TMEM132C: variants seen among roughly 807,000 people sequenced by gnomAD.
The protein encoded by TMEM132C is protein phosphatase 1, regulatory subunit 152.
In TMEM132C, 29 loss-of-function variants were observed where a neutral mutation model predicts 61.4. That is an observed-to-expected ratio of 0.47 (90% CI 0.35 to 0.64). The LOEUF (loss-of-function observed/expected upper bound fraction) is 0.64. Among genes scored for constraint, TMEM132C ranks in the 30% least tolerant of loss-of-function variants. The probability of loss-of-function intolerance (pLI) is 0.00; values close to 1 mark genes in which losing one functional copy is unlikely to be tolerated. For synonymous variants in TMEM132C, 656 were observed against 633.1 expected, an observed-to-expected ratio of 1.04 and a Z score of -0.54; for missense variants, 1,408 against 1,476.9, an observed-to-expected ratio of 0.95 and a Z score of 0.76.
At chr12:128,493,863 C>T (rs1325394419) in intron 2 of TMEM132C, among the ~76,000 whole-genome samples, 1 of 152,112 alleles carries the variant, frequency 6.6e-6, no homozygotes, top group Non-Finnish European at 1.5e-5. Flanking sequence ...CCTGATTGCC[C>T]TGGCCAGAAC....
chr12:128,491,941 G>C (rs2136101184), intron 2 of TMEM132C, among the ~76,000 whole-genome samples: 1 of 151,546 alleles, frequency 6.6e-6, no homozygotes, highest in Non-Finnish European at 1.5e-5. Context: ...ATGTTGGTAT[G>C]CTGCACCCAT....
At chr12:128,344,027 AT>A (rs1201921462) in intron 1 of TMEM132C, among the ~76,000 whole-genome samples, 8 of 152,172 alleles carry the variant, frequency 5.3e-5, no homozygotes, top group African/African-American at 1.9e-4. Flanking sequence ...GATATTCCAC[AT>A]TTAGTTTATC....
intron 1 of TMEM132C, among the ~76,000 whole-genome samples, chr12:128,314,941 C>T (rs1872100647): frequency 6.6e-6 from 1 of 152,164 alleles, no homozygotes; most frequent in African/African-American, 2.4e-5. Flanking sequence ...TCCAGCTGTC[C>T]AGCCTGTAAA....
At chr12:128,527,703 A>ATGTG (rs1186342541) in intron 2 of TMEM132C, among the ~76,000 whole-genome samples, 1 of 64,184 alleles carries the variant, frequency 1.6e-5, no homozygotes, top group Non-Finnish European at 3.0e-5. Flanking sequence ...GTGAATGTGC[A>ATGTG]TGTATGTGTG....
intron 3 of TMEM132C, among the ~76,000 whole-genome samples, chr12:128,604,703 G>A (rs867342819): frequency 6.6e-6 from 1 of 151,668 alleles, no homozygotes; most frequent in African/African-American, 2.4e-5. Flanking sequence ...GATAATAGAT[G>A]GCTAGATAGA....
chr12:128,542,909 C>T (rs1873811969), intron 2 of TMEM132C, among the ~76,000 whole-genome samples: 1 of 150,688 alleles, frequency 6.6e-6, no homozygotes, highest in African/African-American at 2.4e-5. Flanking sequence ...GCGTGAGCCA[C>T]TGTGCCATGA....
At chr12:128,311,628 T>C (rs1329177213) in intron 1 of TMEM132C, among the ~76,000 whole-genome samples, 4 of 152,208 alleles carry the variant, frequency 2.6e-5, no homozygotes, top group Non-Finnish European at 5.9e-5. Context: ...GAACAGTTCT[T>C]TGTTCCCTCT....
rs1022518512 is a variant in TMEM132C, at chr12:128,514,746, C to G, written c.975-29211C>G. ...GAGGCATTCACCTTGACCTTGACCA[C>G]AGATGGCACAGATTTGCCACTCATT... is the stretch of plus-strand genomic sequence containing the variant. On this transcript the variant is annotated intron_variant, in intron 2 of 8. Transcript: ENST00000435159. 9.8e-5 allele frequency among the ~76,000 whole-genome samples: 15 copies of G among 152,316 alleles called. No individual in the cohort carries two copies. In the East Asian group the frequency reaches 2.9e-3, roughly 29 times the overall value.
intron 2 of TMEM132C, among the ~76,000 whole-genome samples, chr12:128,487,490 G>A (rs1238335139): frequency 6.6e-6 from 1 of 151,730 alleles, no homozygotes; most frequent in Non-Finnish European, 1.5e-5. Context: ...GTGTGTGTGT[G>A]TGTATGCCTG....
At chr12:128,302,295 T>C (rs1425845093) in intron 1 of TMEM132C, among the ~76,000 whole-genome samples, 1 of 152,216 alleles carries the variant, frequency 6.6e-6, no homozygotes, top group Non-Finnish European at 1.5e-5. Context: ...GTCATCACAG[T>C]GCTGGCTGAT....
At chr12:128,323,918 G>A (rs940594016) in intron 1 of TMEM132C, among the ~76,000 whole-genome samples, 2 of 152,216 alleles carry the variant, frequency 1.3e-5, no homozygotes, top group South Asian at 4.1e-4. Context: ...GGAGGGGAAA[G>A]AGAGGGAGGG....
chr12:128,396,876 G>C (rs1198953658), intron 1 of TMEM132C, among the ~76,000 whole-genome samples: 1 of 152,198 alleles, frequency 6.6e-6, no homozygotes, highest in Non-Finnish European at 1.5e-5. Context: ...CCTGGGGTTT[G>C]CTGTGTTCAG....
chr12:128,280,934 G>C (rs1870870401), intron 1 of TMEM132C, among the ~76,000 whole-genome samples: 1 of 152,066 alleles, frequency 6.6e-6, no homozygotes. Context: ...GCTAGAAGTG[G>C]GATGCAGAGA....
chr12:128,577,191 G>A (rs796623463), intron 3 of TMEM132C, among the ~76,000 whole-genome samples: 10 of 152,266 alleles, frequency 6.6e-5, no homozygotes, highest in African/African-American at 2.4e-4. Context: ...GTGGTCTTTT[G>A]TGATGGACCT....
chr12:128,409,243 CCTT>C (rs1272003787), intron 1 of TMEM132C, among the ~76,000 whole-genome samples: 1 of 152,036 alleles, frequency 6.6e-6, no homozygotes, highest in African/African-American at 2.4e-5. Flanking sequence ...TGCTTGTGGT[CCTT>C]CTGTTGATGT....
chr12:128,574,493 C>T lies in TMEM132C; in HGVS notation c.1121+30390C>T, dbSNP rs544746149. The stretch of plus-strand genomic sequence containing the variant: ...CACTTTTGCACATGACTTCTTGTTC[C>T]GTCGTGGCGGCACTGCTGCCCCACC... On this transcript the variant is annotated intron_variant, in intron 3 of 8. Coordinates refer to ENST00000435159, the MANE Select transcript of TMEM132C (RefSeq NM_001136103.3). Among the ~76,000 whole-genome samples the T allele has an allele frequency of 1.8e-4, 28 of 152,314 alleles. No homozygotes were observed. In the South Asian group the frequency reaches 5.2e-3, roughly 28 times the overall value.
At chr12:128,336,653 C>G (rs1345352219) in intron 1 of TMEM132C, among the ~76,000 whole-genome samples, 1 of 152,202 alleles carries the variant, frequency 6.6e-6, no homozygotes, top group Non-Finnish European at 1.5e-5. Flanking sequence ...GAGAAACCAT[C>G]TTGGTTAGCC....
At chr12:128,343,732 C>A (rs1230487055) in intron 1 of TMEM132C, among the ~76,000 whole-genome samples, 1 of 152,052 alleles carries the variant, frequency 6.6e-6, no homozygotes, top group Non-Finnish European at 1.5e-5. Flanking sequence ...AGAAAAAAAA[C>A]CCTGTATTCA....
At chr12:128,315,924 C>T (rs901164080) in intron 1 of TMEM132C, among the ~76,000 whole-genome samples, 4 of 151,788 alleles carry the variant, frequency 2.6e-5, no homozygotes, top group Non-Finnish European at 4.4e-5. Context: ...CAGATTATCT[C>T]GAGGGCCCTA....
Sources: allele counts gnomAD v4.1 joint callset (sites outside exome capture counted in the v4.1 genomes callset), GRCh38; gene constraint gnomAD v4.1.1; transcripts MANE v1.5; gene names NCBI Gene and HGNC (gene_info 2026-07-23, HGNC 2026-07-21).